The following MGAT4C variants were observed in gnomAD, a reference collection of about 807,000 sequenced individuals.
The protein encoded by MGAT4C is alpha-1,3-mannosyl-glycoprotein 4-beta-N-acetylglucosaminyltransferase C.
MGAT4C carries 19 observed loss-of-function variants against 40.1 expected under a neutral mutation model. The ratio of observed to expected loss-of-function variants is 0.47; its 90% confidence interval spans 0.33 to 0.70. The LOEUF (loss-of-function observed/expected upper bound fraction) is 0.70, where lower values mean the gene tolerates loss of function less well. Ranked by LOEUF, MGAT4C falls within the 30% of genes least tolerant of loss-of-function variation. The pLI is 0.02. For synonymous variants in MGAT4C, 181 were observed against 187.1 expected, an observed-to-expected ratio of 0.97 and a Z score of 0.27; for missense variants, 491 against 563.2, an observed-to-expected ratio of 0.87 and a Z score of 1.30.
At chr12:86,209,122 CA>C (rs1950364446) in intron 1 of MGAT4C, among the ~76,000 whole-genome samples, 1 of 151,930 alleles carries the variant, frequency 6.6e-6, no homozygotes, top group African/African-American at 2.4e-5. Flanking sequence ...TATGGCTTAA[CA>C]AAAATGGATG....
At chr12:86,109,895 T>C (rs1365782188) in intron 1 of MGAT4C, among the ~76,000 whole-genome samples, 1 of 151,130 alleles carries the variant, frequency 6.6e-6, no homozygotes, top group Non-Finnish European at 1.5e-5. Flanking sequence ...ACCTCTGGAG[T>C]GGATATAACA....
intron 1 of MGAT4C, among the ~76,000 whole-genome samples, chr12:86,175,865 G>A (rs1041363628): frequency 1.3e-5 from 2 of 151,960 alleles, no homozygotes; most frequent in African/African-American, 2.4e-5. Context: ...CAGCTACTCG[G>A]GAGGCTGAGA....
At chr12:86,835,531 C>A (rs1204853952) in intron 1 of MGAT4C, among the ~76,000 whole-genome samples, 1 of 151,730 alleles carries the variant, frequency 6.6e-6, no homozygotes, top group Non-Finnish European at 1.5e-5. Context: ...ATGAAAAGGG[C>A]AAAGGGCACG....
chr12:86,408,757 T>G (rs1394915243), intron 3 of MGAT4C, among the ~76,000 whole-genome samples: 5 of 151,860 alleles, frequency 3.3e-5, no homozygotes, highest in Non-Finnish European at 4.4e-5. Flanking sequence ...TTGAATAGAT[T>G]GATCTCATTA....
rs182400600 is a variant in MGAT4C, at chr12:86,268,457, T to C, written c.-57+65608A>G. On this transcript the variant is annotated intron_variant, in intron 4 of 7. Coordinates refer to the MGAT4C transcript ENST00000548651. ...ACATGATATATAAAGGATTTTTTTTTCTTCATCTTCTTCACTTCAGTGAAT... is the reference window on the plus strand; with the variant it reads ...ACATGATATATAAAGGATTTTTTTTCCTTCATCTTCTTCACTTCAGTGAAT... Among the ~76,000 whole-genome samples, 276 of 152,010 alleles carry C rather than the reference T, an allele frequency of 1.8e-3. 1 individual carries two copies. Among genetic ancestry groups the C allele is most frequent in the African/African-American group, 6.1e-3 (255 of 41,542 alleles).
intron 2 of MGAT4C, among the ~76,000 whole-genome samples, chr12:86,688,701 T>C (rs1339028715): frequency 6.6e-6 from 1 of 152,204 alleles, no homozygotes; most frequent in Non-Finnish European, 1.5e-5. Flanking sequence ...GCAGGGTTTC[T>C]ACAGAGAGAT....
upstream of MGAT4C, among the ~76,000 whole-genome samples, chr12:86,256,958 T>A (rs1952537349): frequency 6.6e-6 from 1 of 152,192 alleles, no homozygotes; most frequent in South Asian, 2.1e-4. Context: ...ATTCTCTGAG[T>A]GTTAAACACT....
At chr12:86,428,187 A>C (rs1956966625) in intron 3 of MGAT4C, among the ~76,000 whole-genome samples, 3 of 152,186 alleles carry the variant, frequency 2.0e-5, no homozygotes, top group African/African-American at 4.8e-5. Flanking sequence ...TATTTCATTT[A>C]ATTATATAAA....
At chr12:86,394,601 TTA>T (rs900717665) in intron 3 of MGAT4C, among the ~76,000 whole-genome samples, 1 of 133,636 alleles carries the variant, frequency 7.5e-6, no homozygotes, top group Admixed American at 8.8e-5. Flanking sequence ...TTTATATATT[TTA>T]TATATATATA....
rs562350760 is a variant in MGAT4C at position 86,167,143 on chromosome 12, T to C, written c.-57+89096A>G. 5.3e-5 allele frequency among the ~76,000 whole-genome samples: 8 copies of C among 152,310 alleles called. No homozygotes were observed. The East Asian group carries it at 9.6e-4, about 18-fold the overall frequency. ...ACAAGACCTAAAACTAGGTTTCTTA[T>C]TCTATCAACAAAGCTCATTTACTCA... On this transcript the variant is annotated intron_variant, in intron 1 of 4. Transcript: ENST00000611864.
At chr12:86,566,748 C>CTG (rs59522675) in intron 2 of MGAT4C, among the ~76,000 whole-genome samples, 78,601 of 138,140 alleles carry the variant, frequency 0.57, 22,972 homozygotes, top group Middle Eastern at 0.68. Flanking sequence ...TACAATGTAT[C>CTG]TGTGTGTGTG....
chr12:86,142,688 AGAGAGG>A, intron 1 of MGAT4C, among the ~76,000 whole-genome samples: 1 of 151,790 alleles, frequency 6.6e-6, no homozygotes, highest in South Asian at 2.1e-4. Flanking sequence ...GTAGGGATGG[AGAGAGG>A]CATTGTGGTC....
At chr12:86,348,237 T>C (rs1216092987) in intron 3 of MGAT4C, among the ~76,000 whole-genome samples, 3 of 152,188 alleles carry the variant, frequency 2.0e-5, no homozygotes, top group Admixed American at 6.6e-5. Context: ...TGCTTGTTCA[T>C]AGAGGACTCA....
intron 1 of MGAT4C, among the ~76,000 whole-genome samples, chr12:86,738,351 T>C (rs11104061): frequency 0.48 from 71,984 of 151,108 alleles, 17,448 homozygotes; most frequent in African/African-American, 0.53. Flanking sequence ...AGACTTAACA[T>C]GTCCTTAACT....
rs1883230070 is a variant in MGAT4C, at chr12:85,963,771, G to A, written c.*15518C>T. The A allele has an allele frequency of 6.6e-6, 1 of 151,882 alleles. No homozygotes were observed. Among genetic ancestry groups the A allele is most frequent in the Non-Finnish European group, 1.5e-5 (1 of 67,872 alleles). The allele number at this position is 151,882 out of a possible 1,614,324, so 9.4% of individuals were successfully genotyped here. A position where few individuals can be genotyped will look rare whatever the true frequency, so the allele number is the denominator to read the frequency against. ...TAACGTGTAAATGGGGTGGGTGATG[G>A]GAGAGAGAAAACAAAATAATTATTT... On this transcript the variant is annotated 3_prime_UTR_variant, in exon 5 of 5. Transcript: ENST00000611864.
At chr12:86,607,224 G>A (rs1385127852) in intron 2 of MGAT4C, among the ~76,000 whole-genome samples, 1 of 151,822 alleles carries the variant, frequency 6.6e-6, no homozygotes, top group East Asian at 1.9e-4. Flanking sequence ...TGTATATATT[G>A]ATTTTTGAAA....
At chr12:86,326,811 G>C (rs560128131) in intron 4 of MGAT4C, among the ~76,000 whole-genome samples, 2 of 152,064 alleles carry the variant, frequency 1.3e-5, no homozygotes, top group Admixed American at 1.3e-4. Flanking sequence ...AATAATTAAA[G>C]GCAAAATATT....
intron 2 of MGAT4C, among the ~76,000 whole-genome samples, chr12:86,603,890 G>C (rs2136465090): frequency 6.8e-6 from 1 of 148,100 alleles, no homozygotes; most frequent in South Asian, 2.1e-4. Flanking sequence ...AGTACTTATG[G>C]GACACACAAA....
At chr12:85,992,548 G>T (rs1237536233) in intron 2 of MGAT4C, among the ~76,000 whole-genome samples, 2 of 152,308 alleles carry the variant, frequency 1.3e-5, no homozygotes, top group African/African-American at 2.4e-5. Context: ...AAATGTTAAA[G>T]ATGTTGTTGC....
Sources: allele counts gnomAD v4.1 joint callset (sites outside exome capture counted in the v4.1 genomes callset), GRCh38; gene constraint gnomAD v4.1.1; transcripts MANE v1.5; gene names NCBI Gene and HGNC (gene_info 2026-07-23, HGNC 2026-07-21).